The following B3GALT1 variants were observed in gnomAD, a reference collection of about 807,000 sequenced individuals.
B3GALT1 encodes beta-1,3-galactosyltransferase 1.
Under a neutral mutation model 23.2 loss-of-function variants are expected in B3GALT1, and 10 were observed. The ratio of observed to expected loss-of-function variants is 0.43; its 90% CI spans 0.27 to 0.73. The LOEUF (loss-of-function observed/expected upper bound fraction) is 0.73, where lower values mean the gene tolerates loss of function less well. Ranked by LOEUF, B3GALT1 falls within the 30% of genes least tolerant of loss-of-function variation. The probability of loss-of-function intolerance (pLI) is 0.21; values close to 1 mark genes in which losing one functional copy is unlikely to be tolerated. For missense variants in B3GALT1, 299 were observed against 405.4 expected, an observed-to-expected ratio of 0.74 and a Z score of 2.25; for synonymous variants, 156 against 141.5, an observed-to-expected ratio of 1.10 and a Z score of -0.73.
At chr2:167,533,019 G>T (rs1005548517) in intron 2 of B3GALT1, among the ~76,000 whole-genome samples, 1 of 151,816 alleles carries the variant, frequency 6.6e-6, no homozygotes, top group Non-Finnish European at 1.5e-5. Flanking sequence ...GCGCCATCAC[G>T]CCTGGCTAAT....
intron 1 of B3GALT1, among the ~76,000 whole-genome samples, chr2:167,324,185 T>C (rs1214998567): frequency 6.6e-6 from 1 of 152,104 alleles, no homozygotes; most frequent in Non-Finnish European, 1.5e-5. Context: ...CAATTCAAGC[T>C]ATCAGCATAG....
At chr2:167,334,983 T>C (rs1160472315) in intron 1 of B3GALT1, among the ~76,000 whole-genome samples, 1 of 152,188 alleles carries the variant, frequency 6.6e-6, no homozygotes, top group African/African-American at 2.4e-5. Context: ...CGATTTTCTA[T>C]TGAAGCTGTA....
chr2:167,416,867 G>A (rs1375478064), intron 1 of B3GALT1, among the ~76,000 whole-genome samples: 4 of 152,168 alleles, frequency 2.6e-5, no homozygotes, highest in Non-Finnish European at 4.4e-5. Context: ...TTAGCTTGCG[G>A]CCTGTTACTC....
At chr2:167,468,314 C>T (rs1699377860) in intron 1 of B3GALT1, among the ~76,000 whole-genome samples, 1 of 152,020 alleles carries the variant, frequency 6.6e-6, no homozygotes, top group Non-Finnish European at 1.5e-5. Flanking sequence ...AAGATAAATA[C>T]ATAATACTCT....
intron 3 of B3GALT1, among the ~76,000 whole-genome samples, chr2:167,804,918 G>A (rs1204911689): frequency 6.6e-6 from 1 of 152,146 alleles, no homozygotes; most frequent in Non-Finnish European, 1.5e-5. Flanking sequence ...TTCCACAATG[G>A]TTGAACTAGT....
chr2:167,810,103 C>T (rs1688853520), intron 3 of B3GALT1, among the ~76,000 whole-genome samples: 3 of 151,288 alleles, frequency 2.0e-5, no homozygotes, highest in African/African-American at 7.4e-5. Context: ...ATATAATCTC[C>T]TGGTGTGCGG....
intron 1 of B3GALT1, among the ~76,000 whole-genome samples, chr2:167,300,013 C>T (rs960281611): frequency 1.3e-5 from 2 of 152,216 alleles, no homozygotes; most frequent in Non-Finnish European, 2.9e-5. Flanking sequence ...AGCAATTCTC[C>T]TGCCTCAGCC....
chr2:167,861,859 C>G (rs1690107757), intron 4 of B3GALT1, among the ~76,000 whole-genome samples: 1 of 152,202 alleles, frequency 6.6e-6, no homozygotes. Context: ...AGATGTCTTA[C>G]CAGCTCACTG....
chr2:167,616,373 G>A (rs988940976), intron 2 of B3GALT1, among the ~76,000 whole-genome samples: 4 of 151,930 alleles, frequency 2.6e-5, no homozygotes, highest in African/African-American at 4.8e-5. Context: ...GTGTGTATGC[G>A]TGCGTGCACA....
intron 1 of B3GALT1, among the ~76,000 whole-genome samples, chr2:167,296,880 C>T (rs1210017444): frequency 6.6e-6 from 1 of 152,034 alleles, no homozygotes; most frequent in Non-Finnish European, 1.5e-5. Flanking sequence ...ATATTTATCT[C>T]CTACCAACCT....
intron 2 of B3GALT1, among the ~76,000 whole-genome samples, chr2:167,614,649 T>C (rs1002508599): frequency 2.0e-5 from 3 of 151,978 alleles, no homozygotes; most frequent in Admixed American, 2.0e-4. Flanking sequence ...TTTGAAACAG[T>C]ATGGAACGAA....
At chr2:167,621,201 A>G (rs1057413812) in intron 2 of B3GALT1, among the ~76,000 whole-genome samples, 4 of 148,468 alleles carry the variant, frequency 2.7e-5, no homozygotes, top group Non-Finnish European at 5.9e-5. Context: ...CAATCCTGCC[A>G]CGTCAGCCTC....
At position 167,869,075 on chromosome 2, in the gene B3GALT1, A is replaced by AGTT; in HGVS notation, c.39_41dup (p.Val14dup). On this transcript the variant is annotated inframe_insertion, in exon 5 of 5. Transcript: ENST00000392690. The surrounding 1 kb of genome is among the most constrained non-coding windows in gnomAD (Gnocchi z 6.4). ...AGGTCTCCTGTTTGTATGTTTTGAC[A>AGTT]GTTGTGTGCTGGGCCAGCGCTCTCT... The AGTT allele has an allele frequency of 6.2e-7, 1 of 1,612,534 alleles. No homozygotes were observed. Among genetic ancestry groups the AGTT allele is most frequent in the Non-Finnish European group, 8.5e-7 (1 of 1,179,228 alleles).
intron 1 of B3GALT1, among the ~76,000 whole-genome samples, chr2:167,468,257 G>T (rs927613425): frequency 2.0e-5 from 3 of 152,084 alleles, no homozygotes; most frequent in African/African-American, 7.2e-5. Flanking sequence ...CTATAAAATG[G>T]TTTTAAAATC....
chr2:167,413,988 G>T (rs1445386045), intron 1 of B3GALT1, among the ~76,000 whole-genome samples: 1 of 152,078 alleles, frequency 6.6e-6, no homozygotes. Context: ...TATCAGTATT[G>T]TAAAGGAAAG....
intron 3 of B3GALT1, among the ~76,000 whole-genome samples, chr2:167,761,922 G>A (rs942102959): frequency 2.0e-5 from 3 of 152,014 alleles, no homozygotes; most frequent in African/African-American, 4.8e-5. Flanking sequence ...CCTCTTTTTC[G>A]TTGTTGACTT....
At chr2:167,667,278 C>G (rs537878836) in intron 3 of B3GALT1, among the ~76,000 whole-genome samples, 1 of 152,184 alleles carries the variant, frequency 6.6e-6, no homozygotes, top group Admixed American at 6.5e-5. Flanking sequence ...GAATATTGGC[C>G]CCCACTCTCT....
intron 2 of B3GALT1, among the ~76,000 whole-genome samples, chr2:167,600,686 G>A (rs1684859228): frequency 6.6e-6 from 1 of 152,146 alleles, no homozygotes; most frequent in South Asian, 2.1e-4. Flanking sequence ...TGTTTTCAAG[G>A]TTCATCCAGG....
chr2:167,762,037 G>A (rs866106007), intron 3 of B3GALT1, among the ~76,000 whole-genome samples: 7 of 152,254 alleles, frequency 4.6e-5, no homozygotes, highest in African/African-American at 1.4e-4. Flanking sequence ...GGAAATTATC[G>A]GAGGGTGTAA....
Sources: allele counts gnomAD v4.1 joint callset (sites outside exome capture counted in the v4.1 genomes callset), GRCh38; gene constraint gnomAD v4.1.1; non-coding constraint Gnocchi (gnomAD v3.1); transcripts MANE v1.5; gene names NCBI Gene and HGNC (gene_info 2026-07-23, HGNC 2026-07-21).